The following INAVA variants were observed in gnomAD, a reference collection of about 807,000 sequenced individuals.
INAVA encodes the protein innate immunity activator.
INAVA carries 32 observed loss-of-function variants against 55.3 expected under a neutral mutation model. The ratio of observed to expected loss-of-function variants is 0.58; its 90% CI spans 0.44 to 0.78. The LOEUF is 0.78. Among genes scored for constraint, INAVA ranks in the 30% least tolerant of loss-of-function variants. INAVA has a pLI of 0.00. For missense variants in INAVA, 756 were observed against 786.4 expected (o/e 0.96, Z 0.46); for synonymous variants, 294 against 329.4 (o/e 0.89, Z 1.16).
In INAVA at chr1:200,898,349, G is replaced by C. The variant is rs752981343; in HGVS notation, c.-52G>C. 4 of 1,614,090 alleles carry C rather than the reference G, an allele frequency of 2.5e-6. No homozygotes were observed. Among genetic ancestry groups the C allele is most frequent in the Admixed American group, 3.3e-5 (2 of 60,000 alleles). On this transcript the variant is annotated 5_prime_UTR_variant, in exon 2 of 10. Coordinates refer to ENST00000413687, the MANE Select transcript of INAVA (RefSeq NM_001142569.3). The stretch of plus-strand genomic sequence containing the variant: ...TACCTACACAACCTGGCCCAGGCTG[G>C]TCACGGTGTCCCCCCTCCCTGCTCT...
At position 200,912,171 on chromosome 1, in the gene INAVA, C is replaced by G. The variant is rs768701572; in HGVS notation, c.1644+34C>G. 7 of 1,516,344 alleles carry G rather than the reference C, an allele frequency of 4.6e-6. No individual in the cohort carries two copies. The East Asian group carries it at 7.3e-5, about 16-fold the overall frequency. 93.9% of individuals were successfully genotyped at this position (1,516,344 alleles called of 1,614,324 possible). A position where few individuals can be genotyped will look rare whatever the true frequency, so the allele number is the denominator to read the frequency against. The stretch of plus-strand genomic sequence containing the variant: ...GCTCTGGAGGGACCCCGGGGCCAGG[C>G]AGGAGGGCTGTTTTGTTGGGGAGGG... On this transcript the variant is annotated intron_variant, in intron 9 of 9. Coordinates refer to ENST00000413687, the MANE Select transcript of INAVA (RefSeq NM_001142569.3).
rs1371633401 is a variant in INAVA, at chr1:200,914,696, C to CT, written c.*1068dup. The stretch of plus-strand genomic sequence containing the variant: ...GAACTCCTGACCTCAAGTGATCCAC[C>CT]TGCCTTGGCCTTTCAAAGTGCTGGG... On this transcript the variant is annotated 3_prime_UTR_variant, in exon 10 of 10. Transcript: ENST00000413687. The CT allele has an allele frequency of 2.3e-5, 3 of 128,370 alleles. No individual in the cohort carries two copies. The highest frequency in any genetic ancestry group is 3.3e-5 in the Non-Finnish European group (2 of 61,208). 8.0% of individuals were successfully genotyped at this position (128,370 alleles called of 1,614,324 possible). A position where few individuals can be genotyped will look rare whatever the true frequency, so the allele number is the denominator to read the frequency against.
rs1485846180 is a variant in INAVA at position 200,899,548 on chromosome 1, G to C, written c.131G>C (p.Arg44Thr). 6.2e-7 allele frequency: 1 copy of C among 1,613,674 alleles called. No homozygotes were observed. Among genetic ancestry groups the C allele is most frequent in the Non-Finnish European group, 8.5e-7 (1 of 1,179,902 alleles). Residue 44 changes from arginine to threonine, a missense_variant, in exon 3 of 10, where the codon AGG becomes ACG. This residue lies in a region of INAVA where 639 missense variants were observed against 624.3 expected (regional missense o/e 1.02). Coordinates refer to ENST00000413687, the MANE Select transcript of INAVA (RefSeq NM_001142569.3). ...AAGCAGCAGAGGGCCCTGGAAGCGA[G>C]GCTGGAGGCCTGCCTGGAGGAGCTG... ...VHKQQRALEA[R>T]LEACLEELRR...
chr1:200,905,203 G>A (rs442905), intron 5 of INAVA, among the ~76,000 whole-genome samples: 33,969 of 151,958 alleles, frequency 0.22, 4,295 homozygotes, highest in East Asian at 0.53. Flanking sequence ...TCCTGGTACC[G>A]TATGTCCTAG....
chr1:200,894,810 A>G, upstream of INAVA: 24 of 985,422 alleles, frequency 2.4e-5, no homozygotes, highest in Non-Finnish European at 2.8e-5. Context: ...TGCTGGCACC[A>G]GTTGCACGGG....
At chr1:200,898,933 C>T (rs12045112) in intron 2 of INAVA, among the ~76,000 whole-genome samples, 48,067 of 151,922 alleles carry the variant, frequency 0.32, 8,200 homozygotes, top group South Asian at 0.56. Context: ...GAGCCGAGAT[C>T]GCGGCATTGC....
Position 200,911,567 on chromosome 1 carries a change from C to G in INAVA, c.1074C>G (p.Pro358=). 1 of 1,613,744 alleles carries G rather than the reference C, an allele frequency of 6.2e-7. No homozygotes were observed. Among genetic ancestry groups the G allele is most frequent in the Non-Finnish European group, 8.5e-7 (1 of 1,179,896 alleles). The change falls in exon 9 of 10, where the codon CCC becomes CCG. Residue 358 remains proline (P), a synonymous_variant. Transcript: ENST00000413687. ...ATTCCTGCTTTCCCGCGACCAAGCC[C>G]CCGCTGCCCCACGCCGCCTGCCACT... ...VPDSCFPATK[P]PLPHAACHSC... is the part of the protein sequence containing the mutation.
At chr1:200,902,797 G>A (rs1367664775) in intron 5 of INAVA, among the ~76,000 whole-genome samples, 2 of 152,228 alleles carry the variant, frequency 1.3e-5, no homozygotes, top group South Asian at 2.1e-4. Context: ...TGCCATTGCT[G>A]GGAGCTTCTG....
At chr1:200,907,657 T>C (rs909099719) in intron 5 of INAVA, among the ~76,000 whole-genome samples, 177 bp from the exon 6 acceptor site, 4 of 141,408 alleles carry the variant, frequency 2.8e-5, no homozygotes, top group Non-Finnish European at 6.4e-5. Flanking sequence ...AGACCCTGTC[T>C]CTTAAAAAAA....
chr1:200,910,511 G>A (rs529004997), intron 8 of INAVA, among the ~76,000 whole-genome samples: 2 of 152,198 alleles, frequency 1.3e-5, no homozygotes, highest in Non-Finnish European at 2.9e-5. Context: ...GCTTAAATTG[G>A]CTGGTCAGGC....
At position 200,908,715 on chromosome 1, in the gene INAVA, C is replaced by G. The variant is rs899207950; in HGVS notation, c.575-15C>G. The G allele has an allele frequency of 2.0e-6, 3 of 1,537,454 alleles. No homozygotes were observed. The highest frequency in any genetic ancestry group is 2.6e-6 in the Non-Finnish European group (3 of 1,143,370). ...CCCAGCCTCTGGCCTTACCAGGTTT[C>G]TTTTACTCCTGCAGAGGAATCCCAA... On this transcript the variant is annotated splice_polypyrimidine_tract_variant and intron_variant, in intron 6 of 9. Transcript: ENST00000413687.
At position 200,898,166 on chromosome 1, in the gene INAVA, T is replaced by G. The variant is rs534049159; in HGVS notation, c.-94-141T>G. The G allele has an allele frequency of 1.2e-5, 10 of 852,318 alleles. No individual in the cohort carries two copies. In the Admixed American group the frequency reaches 2.7e-4, roughly 23 times the overall value. 52.8% of individuals were successfully genotyped at this position (852,318 alleles called of 1,614,324 possible). ...CCCTTCTCTAGGTCAGCACCCCCAG[T>G]GCCAGAATCTCCTGCCCCAGATGGT... On this transcript the variant is annotated intron_variant, in intron 1 of 9. Transcript: ENST00000413687.
rs1424938101 is a variant in INAVA, at chr1:200,914,789, CT to C, written c.*1163del. 1 of 69,694 alleles carries C rather than the reference CT, an allele frequency of 1.4e-5. No individual in the cohort carries two copies. Among genetic ancestry groups the C allele is most frequent in the Non-Finnish European group, 2.9e-5 (1 of 34,976 alleles). 4.3% of individuals were successfully genotyped at this position (69,694 alleles called of 1,614,324 possible). On this transcript the variant is annotated 3_prime_UTR_variant, in exon 10 of 10. Transcript: ENST00000413687. Reference sequence around the variant, plus strand: ...TTCATCATAGTCCCAAAAACCAATACTTTACAAGTGGTTTTGGAAAGGCACC... The same window carrying C: ...TTCATCATAGTCCCAAAAACCAATACTTACAAGTGGTTTTGGAAAGGCACC...
At chr1:200,892,416 T>G (rs12128863), upstream of INAVA, among the ~76,000 whole-genome samples, 9 of 151,300 alleles carry the variant, frequency 5.9e-5, no homozygotes, top group Non-Finnish European at 1.2e-4. Context: ...GAACTTTTTT[T>G]TAAAAAAAAT....
At position 200,907,654 on chromosome 1, in the gene INAVA, G is replaced by A. The variant is rs186029591; in HGVS notation, c.521-180G>A. 4.2e-3 allele frequency among the ~76,000 whole-genome samples: 601 copies of A among 141,974 alleles called. 4 individuals carry two copies. The highest frequency in any genetic ancestry group is 7.5e-3 in the Non-Finnish European group (472 of 62,962). 93.1% of individuals were successfully genotyped at this position (141,974 alleles called of 152,430 possible). A position where few individuals can be genotyped will look rare whatever the true frequency, so the allele number is the denominator to read the frequency against. On this transcript the variant is annotated intron_variant, in intron 5 of 9. Coordinates refer to ENST00000413687, the MANE Select transcript of INAVA (RefSeq NM_001142569.3). ...AGCCTGGGCCACAGGGTAAGACCCT[G>A]TCTCTTAAAAAAAAAAAAAATCACT... is the stretch of plus-strand genomic sequence containing the variant.
upstream of INAVA, chr1:200,891,649 C>CT (rs758378916): frequency 2.4e-5 from 37 of 1,513,966 alleles, no homozygotes; most frequent in Non-Finnish European, 3.2e-5. Context: ...AGCTGCGAGG[C>CT]TGGAGTGGAG....
At position 200,911,863 on chromosome 1, in the gene INAVA, C is replaced by T. The variant is rs754540713; in HGVS notation, c.1370C>T (p.Pro457Leu). ...GAGTGGGAGCTGCGCCGCGCAGCCCCGGGCCCTGCTTACGAGGAGGAGGGC... is the reference window on the plus strand; with the variant it reads ...GAGTGGGAGCTGCGCCGCGCAGCCCTGGGCCCTGCTTACGAGGAGGAGGGC... Reference protein sequence around the residue: ...PGEWELRRAAPGPAYEEEGTP... With the variant: ...PGEWELRRAALGPAYEEEGTP... Residue 457 changes from proline to leucine, a missense_variant, in exon 9 of 10, where the codon CCG becomes CTG. By Grantham distance (98) the Pro-to-Leu change is moderately conservative (BLOSUM62 -3). This residue lies in a region of INAVA where 639 missense variants were observed against 624.3 expected (regional missense o/e 1.02). Transcript: ENST00000413687. The T allele has an allele frequency of 4.4e-6, 7 of 1,592,892 alleles. No homozygotes were observed. Among genetic ancestry groups the T allele is most frequent in the Admixed American group, 1.7e-5 (1 of 58,396 alleles).
At position 200,900,546 on chromosome 1, in the gene INAVA, C is replaced by T. The variant is rs1558229162; in HGVS notation, c.297+326C>T. Among the ~76,000 whole-genome samples the T allele has an allele frequency of 2.6e-5, 4 of 152,234 alleles. No individual in the cohort carries two copies. In the South Asian group the frequency reaches 8.3e-4, roughly 31 times the overall value. ...AGGTTACTCTGGCCCCTAGGGCTGT[C>T]CTCCTTTCTCAGGAGGAGGTGGGGG... On this transcript the variant is annotated intron_variant, in intron 4 of 9. Transcript: ENST00000413687.
chr1:200,896,147 G>A (rs1668346029), intron 1 of INAVA, among the ~76,000 whole-genome samples: 1 of 152,174 alleles, frequency 6.6e-6, no homozygotes, highest in African/African-American at 2.4e-5. Context: ...CTGAGAAGCA[G>A]GGGCTGAGTT....
Sources: gnomAD v4.1 joint callset for allele counts (sites outside exome capture counted in the v4.1 genomes callset) on GRCh38, gnomAD v4.1.1 for gene constraint, gnomAD v4.1.1 regional missense constraint, MANE v1.5 for transcripts, NCBI Gene and HGNC (gene_info 2026-07-23, HGNC 2026-07-21) for gene names.